The following NOS1 variants were observed in gnomAD, a reference collection of about 807,000 sequenced individuals.
NOS1 encodes NOS type I.
Under a neutral mutation model 164.5 loss-of-function variants are expected in NOS1, and 51 were observed. The observed-to-expected ratio is 0.31, with a 90% CI of 0.25 to 0.39. The LOEUF is 0.39. NOS1 is among the 10% of genes least tolerant of loss of function. The pLI is 1.00. For synonymous variants in NOS1, 719 were observed against 745.8 expected (o/e 0.96, Z 0.59); for missense variants, 1,362 against 1,885.6 (o/e 0.72, Z 5.14).
At chr12:117,264,341 T>C (rs1872192009) in intron 12 of NOS1, among the ~76,000 whole-genome samples, 1 of 152,212 alleles carries the variant, frequency 6.6e-6, no homozygotes, top group South Asian at 2.1e-4. Flanking sequence ...GGTGTGATCA[T>C]AGCTCACTGC....
intron 1 of NOS1, among the ~76,000 whole-genome samples, chr12:117,359,955 A>G (rs1468286141): frequency 1.7e-5 from 2 of 116,252 alleles, no homozygotes; most frequent in African/African-American, 6.3e-5. Flanking sequence ...TTCCTGCGTT[A>G]TGAACGCTTA....
Position 117,234,493 on chromosome 12 carries a change from G to C in NOS1, c.3235+72C>G. ...CCTGGACTGGTGATTGGGAAGAAAAGGTATCTTCTTCCCGAGACACCCACT... is the reference window on the plus strand; with the variant it reads ...CCTGGACTGGTGATTGGGAAGAAAACGTATCTTCTTCCCGAGACACCCACT... On this transcript the variant is annotated intron_variant, in intron 21 of 28. Coordinates refer to ENST00000317775, the MANE Select transcript of NOS1 (RefSeq NM_000620.5). This position sits in a 1 kb window ranked among gnomAD's most constrained non-coding sequence, Gnocchi z 4.3. 1 of 1,473,956 alleles carries C rather than the reference G, an allele frequency of 6.8e-7. No homozygotes were observed. Among genetic ancestry groups the C allele is most frequent in the Non-Finnish European group, 9.3e-7 (1 of 1,076,030 alleles). The allele number at this position is 1,473,956 out of a possible 1,614,324, so 91.3% of individuals were successfully genotyped here. A position where few individuals can be genotyped will look rare whatever the true frequency, so the allele number is the denominator to read the frequency against.
rs754831760 is a variant in NOS1 at position 117,286,158 on chromosome 12, G to A, written c.1236C>T (p.His412=). The part of the protein sequence containing the change: ...KDTELIYGAK[H]AWRNASRCVG... ...CACAGCGCGAGGCATTCCGCCAGGC[G>A]TGCTTGGCCCCATAGATGAGCTCTG... The change falls in exon 6 of 29, where the codon CAC becomes CAT. Residue 412 remains histidine (H), a synonymous_variant. Transcript: ENST00000317775. The A allele has an allele frequency of 3.1e-5, 50 of 1,614,096 alleles. No individual in the cohort carries two copies. Among genetic ancestry groups the A allele is most frequent in the Admixed American group, 2.0e-4 (12 of 60,006 alleles).
At chr12:117,299,775 G>C (rs1022588714) in intron 3 of NOS1, among the ~76,000 whole-genome samples, 13 of 151,824 alleles carry the variant, frequency 8.6e-5, no homozygotes, top group Admixed American at 2.6e-4. Flanking sequence ...CCCAGTTAAG[G>C]ATTCAGGGTG....
At chr12:117,254,841 G>T (rs1871321348) in intron 16 of NOS1, among the ~76,000 whole-genome samples, 1 of 152,184 alleles carries the variant, frequency 6.6e-6, no homozygotes, top group Non-Finnish European at 1.5e-5. Flanking sequence ...CTTCTGGACA[G>T]TGCTGGAGTA....
intron 3 of NOS1, among the ~76,000 whole-genome samples, chr12:117,295,883 C>T (rs1301137162): frequency 6.6e-6 from 1 of 151,796 alleles, no homozygotes; most frequent in Non-Finnish European, 1.5e-5. Context: ...CCCACCTCAG[C>T]CTCCCAAAGT....
chr12:117,274,382 G>A lies in NOS1; in HGVS notation c.1665-1823C>T, dbSNP rs991545231. The stretch of plus-strand genomic sequence containing the variant: ...GTTGGTGGGAATATAGGCTAGTACC[G>A]GAGTATGCAGAACGGTATGGCAGAT... On this transcript the variant is annotated intron_variant, in intron 9 of 28. Transcript: ENST00000317775. Among the ~76,000 whole-genome samples, 6 of 152,140 alleles carry A rather than the reference G, an allele frequency of 3.9e-5. 1 individual carries two copies. Among genetic ancestry groups the A allele is most frequent in the Non-Finnish European group, 5.9e-5 (4 of 68,036 alleles).
At chr12:117,260,638 T>C (rs1247014451) in intron 13 of NOS1, 29 bp from the exon 14 acceptor site, 3 of 1,599,722 alleles carry the variant, frequency 1.9e-6, no homozygotes, top group African/African-American at 1.3e-5. Context: ...AGATGAAAAA[T>C]GGGCAACAGA....
intron 1 of NOS1, among the ~76,000 whole-genome samples, chr12:117,359,792 A>AC (rs796569892): frequency 6.2e-5 from 9 of 146,034 alleles, no homozygotes; most frequent in African/African-American, 1.8e-4. Context: ...TGTGGGGTAG[A>AC]CCCCCCGGTT....
At chr12:117,274,294 A>T (rs1217935491) in intron 9 of NOS1, among the ~76,000 whole-genome samples, 1 of 152,202 alleles carries the variant, frequency 6.6e-6, no homozygotes, top group Non-Finnish European at 1.5e-5. Context: ...GACGGCAATT[A>T]TAAAGAGACA....
At chr12:117,265,957 ATT>A (rs60817517) in intron 11 of NOS1, among the ~76,000 whole-genome samples, 161 of 143,882 alleles carry the variant, frequency 1.1e-3, no homozygotes, top group Non-Finnish European at 1.1e-3. Flanking sequence ...CGCCTGGCTA[ATT>A]TTTTTTTTTT....
chr12:117,342,166 T>TCTTTC (rs1159974804), intron 1 of NOS1, among the ~76,000 whole-genome samples: 3 of 152,188 alleles, frequency 2.0e-5, no homozygotes, highest in African/African-American at 7.2e-5. Flanking sequence ...TCTTTTCTTT[T>TCTTTC]CTTTCCTTCA....
intron 10 of NOS1, among the ~76,000 whole-genome samples, 170 bp from the exon 11 acceptor site, chr12:117,268,314 T>C (rs1268583638): frequency 6.6e-6 from 1 of 152,104 alleles, no homozygotes; most frequent in African/African-American, 2.4e-5. Context: ...CACTGCAACC[T>C]CTGCCTCCTG....
At chr12:117,257,789 A>G (rs10850805) in intron 16 of NOS1, among the ~76,000 whole-genome samples, 58,701 of 147,828 alleles carry the variant, frequency 0.4, 12,678 homozygotes, top group East Asian at 0.56. Flanking sequence ...AAAAAGAATA[A>G]TATTTACACA....
chr12:117,216,680 C>T (rs893304587), intron 28 of NOS1, among the ~76,000 whole-genome samples: 3 of 151,784 alleles, frequency 2.0e-5, no homozygotes, highest in Admixed American at 6.6e-5. Flanking sequence ...GGTCTCCTTG[C>T]GTTGCCCAGG....
chr12:117,280,573 G>C, intron 8 of NOS1, 152 bp downstream of exon 8: 1 of 791,188 alleles, frequency 1.3e-6, no homozygotes, highest in East Asian at 2.5e-5. Context: ...AATTAGATTG[G>C]GGAACAGCCT....
intron 10 of NOS1, among the ~76,000 whole-genome samples, chr12:117,271,626 C>A (rs370827175): frequency 2.0e-5 from 3 of 152,302 alleles, no homozygotes; most frequent in African/African-American, 7.2e-5. Context: ...GGGTTCTAAT[C>A]TTGGTTCTGT....
chr12:117,335,217 T>C (rs947494311), intron 1 of NOS1, among the ~76,000 whole-genome samples: 1 of 152,074 alleles, frequency 6.6e-6, no homozygotes, highest in African/African-American at 2.4e-5. Context: ...CAAAGGTACT[T>C]CAGGCGCCAT....
intron 20 of NOS1, among the ~76,000 whole-genome samples, chr12:117,239,593 C>T (rs1314470140): frequency 6.6e-6 from 1 of 152,196 alleles, no homozygotes; most frequent in East Asian, 1.9e-4. Context: ...TGGTCTCTCA[C>T]AGGGGGATTA....
Sources: allele counts gnomAD v4.1 joint callset (sites outside exome capture counted in the v4.1 genomes callset), GRCh38; gene constraint gnomAD v4.1.1; non-coding constraint Gnocchi (gnomAD v3.1); transcripts MANE v1.5; gene names NCBI Gene and HGNC (gene_info 2026-07-23, HGNC 2026-07-21).